The following HNF4G variants were observed in gnomAD, a reference collection of about 807,000 sequenced individuals.
HNF4G encodes the protein hepatocyte nuclear factor 4 gamma.
Under a neutral mutation model 50.9 loss-of-function variants are expected in HNF4G, and 21 were observed. The ratio of observed to expected loss-of-function variants is 0.41; its 90% CI spans 0.29 to 0.59. The LOEUF (loss-of-function observed/expected upper bound fraction) is 0.59. Ranked by LOEUF, HNF4G falls within the 20% of genes least tolerant of loss-of-function variation. HNF4G has a pLI of 0.26. For synonymous variants in HNF4G, 198 were observed against 185.6 expected (o/e 1.07, Z -0.54); for missense variants, 527 against 559.4 (o/e 0.94, Z 0.58).
chr8:75,530,018 T>C (rs1371908572), intron 2 of HNF4G, among the ~76,000 whole-genome samples: 1 of 152,100 alleles, frequency 6.6e-6, no homozygotes, highest in African/African-American at 2.4e-5. Context: ...GAGGCTACTG[T>C]TCCCTGCTCT....
chr8:75,432,307 T>G (rs182513304), intron 1 of HNF4G, among the ~76,000 whole-genome samples: 7 of 151,896 alleles, frequency 4.6e-5, no homozygotes, highest in Middle Eastern at 3.4e-3. Flanking sequence ...AAAAAAGAAT[T>G]TGTTTTATTT....
intron 1 of HNF4G, among the ~76,000 whole-genome samples, chr8:75,411,282 T>C (rs563331397): frequency 1.7e-4 from 26 of 152,322 alleles, no homozygotes; most frequent in African/African-American, 6.3e-4. Flanking sequence ...AACCAAACCA[T>C]GTCCCTTTGT....
intron 2 of HNF4G, among the ~76,000 whole-genome samples, chr8:75,507,389 T>A (rs1805621927): frequency 6.6e-6 from 1 of 151,658 alleles, no homozygotes; most frequent in Non-Finnish European, 1.5e-5. Context: ...GCCTCCCGAG[T>A]AGCTGGGATT....
intron 2 of HNF4G, among the ~76,000 whole-genome samples, chr8:75,522,284 T>C (rs1270662328): frequency 6.6e-6 from 1 of 152,220 alleles, no homozygotes; most frequent in African/African-American, 2.4e-5. Context: ...TAAGAGCCAG[T>C]GTTTATATAG....
intron 2 of HNF4G, among the ~76,000 whole-genome samples, chr8:75,521,375 G>T (rs549067023): frequency 1.1e-4 from 17 of 152,264 alleles, no homozygotes; most frequent in African/African-American, 4.1e-4. Flanking sequence ...TTGCTTGATA[G>T]CAGCTGCACA....
At chr8:75,449,583 T>C (rs968407818) in intron 1 of HNF4G, among the ~76,000 whole-genome samples, 2 of 147,938 alleles carry the variant, frequency 1.4e-5, no homozygotes, top group Admixed American at 1.4e-4. Context: ...CTCGGCTCAC[T>C]GCAAGCTCCG....
chr8:75,416,883 C>A (rs1315380664), intron 1 of HNF4G, among the ~76,000 whole-genome samples: 1 of 152,152 alleles, frequency 6.6e-6, no homozygotes, highest in African/African-American at 2.4e-5. Context: ...CAGCTTTGAG[C>A]ATGTTAGCAA....
At chr8:75,472,595 T>A (rs528808386) in intron 1 of HNF4G, among the ~76,000 whole-genome samples, 42 of 152,302 alleles carry the variant, frequency 2.8e-4, no homozygotes, top group African/African-American at 8.2e-4. Context: ...ATATGTATAA[T>A]CAGATTCATC....
chr8:75,515,931 A>G (rs1314511210), intron 2 of HNF4G, among the ~76,000 whole-genome samples: 2 of 151,992 alleles, frequency 1.3e-5, no homozygotes, highest in Non-Finnish European at 2.9e-5. Flanking sequence ...ATGCCCAGCT[A>G]ATTTTGTATT....
At chr8:75,557,662 A>G (rs1184955036) in intron 6 of HNF4G, among the ~76,000 whole-genome samples, 1 of 152,082 alleles carries the variant, frequency 6.6e-6, no homozygotes, top group African/African-American at 2.4e-5. Context: ...CACCTTAAAT[A>G]TATACAATTC....
Position 75,479,465 on chromosome 8 carries a change from ACTGT to A in HNF4G, c.-143-10621_-143-10618del, listed in dbSNP as rs1427431696. 5.3e-5 allele frequency among the ~76,000 whole-genome samples: 8 copies of A among 152,220 alleles called. No homozygotes were observed. The East Asian group carries it at 1.5e-3, about 29-fold the overall frequency. ...CAGAGCCCAGATTTGAACTGAGGAG[ACTGT>A]CTTTAGAGCCATACACTTATTCAGG... is the stretch of plus-strand genomic sequence containing the variant. On this transcript the variant is annotated intron_variant, in intron 1 of 10. Transcript: ENST00000354370.
chr8:75,439,593 C>T (rs1287521298), intron 1 of HNF4G, among the ~76,000 whole-genome samples: 1 of 151,914 alleles, frequency 6.6e-6, no homozygotes, highest in African/African-American at 2.4e-5. Context: ...AATGAATATA[C>T]TAAAGATAAA....
At chr8:75,525,028 A>G (rs574985118) in intron 2 of HNF4G, among the ~76,000 whole-genome samples, 8 of 152,244 alleles carry the variant, frequency 5.3e-5, no homozygotes, top group Admixed American at 3.9e-4. Flanking sequence ...GCTGGTTCTC[A>G]TTCTTCCTAA....
chr8:75,501,883 C>G (rs1188059227), intron 2 of HNF4G, among the ~76,000 whole-genome samples: 13 of 116,546 alleles, frequency 1.1e-4, no homozygotes, highest in African/African-American at 2.5e-4. Context: ...GATGGAGTCT[C>G]TCTTTGTTGC....
intron 1 of HNF4G, among the ~76,000 whole-genome samples, chr8:75,447,677 A>C (rs1035413504): frequency 7.2e-5 from 11 of 152,112 alleles, no homozygotes; most frequent in African/African-American, 2.7e-4. Flanking sequence ...AAAACACATG[A>C]AAAAATGCTC....
intron 1 of HNF4G, among the ~76,000 whole-genome samples, chr8:75,453,571 T>G (rs894284256): frequency 2.0e-5 from 3 of 149,300 alleles, no homozygotes; most frequent in African/African-American, 7.4e-5. Context: ...GAAGCTTTGT[T>G]ATTTTCCTCT....
At chr8:75,479,627 G>T (rs773317574) in intron 1 of HNF4G, among the ~76,000 whole-genome samples, 8 of 148,968 alleles carry the variant, frequency 5.4e-5, no homozygotes, top group Admixed American at 2.7e-4. Context: ...AAATAGCGAT[G>T]CTGTGAATGC....
intron 1 of HNF4G, among the ~76,000 whole-genome samples, chr8:75,439,181 C>T (rs1811212304): frequency 1.3e-5 from 2 of 152,016 alleles, no homozygotes; most frequent in African/African-American, 4.8e-5. Flanking sequence ...TTAAAGCATC[C>T]AAAGAGTAAA....
chr8:75,561,775 A>T (rs765388634), intron 9 of HNF4G, among the ~76,000 whole-genome samples: 4 of 152,154 alleles, frequency 2.6e-5, no homozygotes, highest in Non-Finnish European at 5.9e-5. Flanking sequence ...ATTCATTCAC[A>T]TCAGAATTGT....
Sources: allele counts gnomAD v4.1 joint callset (sites outside exome capture counted in the v4.1 genomes callset), GRCh38; gene constraint gnomAD v4.1.1; transcripts MANE v1.5; gene names NCBI Gene and HGNC (gene_info 2026-07-23, HGNC 2026-07-21).